The following OSGIN1 variants were observed in gnomAD, a reference collection of about 807,000 sequenced individuals.
The protein encoded by OSGIN1 is oxidative stress-induced growth inhibitor 1.
In OSGIN1, 19 loss-of-function variants were observed where a neutral mutation model predicts 20.1. That is an observed-to-expected ratio of 0.95 (90% CI 0.66 to 1.39). OSGIN1 has a LOEUF of 1.39. Among genes scored for constraint, OSGIN1 ranks in the 40% most tolerant of loss-of-function variants. The pLI is 0.00. For synonymous variants in OSGIN1, 368 were observed against 297.8 expected (o/e 1.24, Z -2.43); for missense variants, 820 against 653.0 (o/e 1.26, Z -2.79).
Position 83,966,100 on chromosome 16 carries a change from G to T in OSGIN1, c.*93G>T, listed in dbSNP as rs2084277499. 1.8e-6 allele frequency: 2 copies of T among 1,089,250 alleles called. No homozygotes were observed. Among genetic ancestry groups the T allele is most frequent in the Non-Finnish European group, 1.3e-6 (1 of 783,182 alleles). The allele number at this position is 1,089,250 out of a possible 1,614,324, so 67.5% of individuals were successfully genotyped here. On this transcript the variant is annotated 3_prime_UTR_variant, in exon 6 of 6. Coordinates refer to ENST00000393306, the MANE Select transcript of OSGIN1 (RefSeq NM_182981.3). ...AGGACCCGTCCAAAGATGCCCCGGG[G>T]AGGGGTGTCAGCCCACGTTGCTGGC...
chr16:83,965,025 A>G (rs750466089), intron 5 of OSGIN1, 37 bp from the exon 6 acceptor site: 26 of 1,230,836 alleles, frequency 2.1e-5, no homozygotes, highest in South Asian at 1.4e-4. Context: ...AACCCCTAAC[A>G]GTGTCTGACT....
intron 1 of OSGIN1, among the ~76,000 whole-genome samples, chr16:83,955,270 T>C (rs2255439): frequency 0.51 from 77,945 of 152,012 alleles, 20,969 homozygotes; most frequent in East Asian, 0.74. Flanking sequence ...CTGGGTATAC[T>C]CAGCACCCAG....
At chr16:83,962,162 A>G (rs1013407785) in intron 5 of OSGIN1, among the ~76,000 whole-genome samples, 1 of 151,858 alleles carries the variant, frequency 6.6e-6, no homozygotes, top group Non-Finnish European at 1.5e-5. Flanking sequence ...CTGCCCCATC[A>G]TGGCCACCCT....
intron 1 of OSGIN1, among the ~76,000 whole-genome samples, chr16:83,953,604 C>T (rs1908792579): frequency 6.6e-6 from 1 of 152,238 alleles, no homozygotes; most frequent in Non-Finnish European, 1.5e-5. Context: ...TACCCTCAGC[C>T]AAGCAGCTGA....
intron 5 of OSGIN1, among the ~76,000 whole-genome samples, chr16:83,963,400 G>A (rs1003095931): frequency 4.0e-5 from 6 of 151,478 alleles, no homozygotes; most frequent in African/African-American, 9.8e-5. Context: ...AATCTTCACC[G>A]AATGCTTATT....
At position 83,957,754 on chromosome 16, in the gene OSGIN1, C is replaced by T. The variant is rs1027590946; in HGVS notation, c.67+16C>T. On this transcript the variant is annotated intron_variant, in intron 2 of 5. Coordinates refer to ENST00000393306, the MANE Select transcript of OSGIN1 (RefSeq NM_182981.3). ...ATCATTGTGGGTGAGTGTCAGGCCC[C>T]AGCCAGGGAGGGGCTCCGCTGAGCC... is the stretch of plus-strand genomic sequence containing the variant. 3.5e-5 allele frequency: 53 copies of T among 1,515,490 alleles called. 1 individual carries two copies. In the Admixed American group the frequency reaches 9.2e-4, roughly 26 times the overall value. The allele number at this position is 1,515,490 out of a possible 1,614,324, so 93.9% of individuals were successfully genotyped here.
rs781578457 is a variant in OSGIN1 at position 83,953,259 on chromosome 16, C to T, written c.-144C>T. ...CCTCTCAGAGCCTCTTGGATCCCCA[C>T]AGGGTAATGGGTGTCCCGATCTCGC... On this transcript the variant is annotated 5_prime_UTR_variant, in exon 1 of 6. Coordinates refer to ENST00000393306, the MANE Select transcript of OSGIN1 (RefSeq NM_182981.3). The T allele has an allele frequency of 7.8e-6, 10 of 1,287,188 alleles. No homozygotes were observed. The highest frequency in any genetic ancestry group is 1.0e-5 in the Non-Finnish European group (10 of 987,612). 79.7% of individuals were successfully genotyped at this position (1,287,188 alleles called of 1,614,324 possible). A position where few individuals can be genotyped will look rare whatever the true frequency, so the allele number is the denominator to read the frequency against.
At chr16:83,958,481 C>T (rs1026567039) in intron 2 of OSGIN1, among the ~76,000 whole-genome samples, 16 of 152,180 alleles carry the variant, frequency 1.1e-4, no homozygotes, top group Non-Finnish European at 1.2e-4. Context: ...GATGACCCCC[C>T]AGTATGCAGG....
intron 5 of OSGIN1, among the ~76,000 whole-genome samples, chr16:83,963,457 G>A (rs927599320): frequency 3.3e-5 from 5 of 152,036 alleles, no homozygotes; most frequent in African/African-American, 1.2e-4. Flanking sequence ...AACCACCGCA[G>A]ACACACCCCC....
chr16:83,964,135 C>G (rs1360158314), intron 5 of OSGIN1, among the ~76,000 whole-genome samples: 1 of 152,096 alleles, frequency 6.6e-6, no homozygotes, highest in Non-Finnish European at 1.5e-5. Flanking sequence ...AAAACCCCAT[C>G]TCTAATAAAA....
At chr16:83,964,919 G>A in intron 5 of OSGIN1, 143 bp from the exon 6 acceptor site, 1 of 640,944 alleles carries the variant, frequency 1.6e-6, no homozygotes, top group Non-Finnish European at 2.7e-6. Context: ...GAGGCTTAGA[G>A]AGGTTGAATT....
chr16:83,954,630 G>A, intron 1 of OSGIN1: 1 of 324,756 alleles, frequency 3.1e-6, no homozygotes, highest in African/African-American at 2.2e-5. Context: ...CTCTGAACGG[G>A]AAGTGACTTC....
chr16:83,954,058 G>A (rs1341756304), intron 1 of OSGIN1: 1 of 152,390 alleles, frequency 6.6e-6, no homozygotes, highest in African/African-American at 2.4e-5. Flanking sequence ...TTTTACTGGA[G>A]GGGACTTGGC....
In OSGIN1 at chr16:83,960,515, G is replaced by A. The variant is rs550384048; in HGVS notation, c.205-54G>A. ...CGTTCCTGCCCAGCCTCAGGCTCTG[G>A]GAAGACGACCCCGCCCTCCTCCAGC... On this transcript the variant is annotated intron_variant, in intron 3 of 5. Transcript: ENST00000393306. 4 of 1,469,300 alleles carry A rather than the reference G, an allele frequency of 2.7e-6. No homozygotes were observed. In the Admixed American group the frequency reaches 5.3e-5, roughly 19 times the overall value. The allele number at this position is 1,469,300 out of a possible 1,614,324, so 91.0% of individuals were successfully genotyped here.
At chr16:83,954,109 C>G (rs78547767) in intron 1 of OSGIN1, 2 of 152,318 alleles carry the variant, frequency 1.3e-5, no homozygotes, top group East Asian at 1.9e-4. Context: ...TTGGACCCTC[C>G]TAGGTGACCT....
chr16:83,964,998 G>GGGCCCCCCC, intron 5 of OSGIN1, 64 bp from the exon 6 acceptor site: 1 of 498,788 alleles, frequency 2.0e-6, no homozygotes. Flanking sequence ...GACATCTCCC[G>GGGCCCCCCC]TCCCACCCAG....
chr16:83,964,999 T>TGCCCCCCCCCCCC, intron 5 of OSGIN1, 63 bp from the exon 6 acceptor site: 1 of 645,890 alleles, frequency 1.5e-6, no homozygotes, highest in African/African-American at 1.8e-5. Context: ...ACATCTCCCG[T>TGCCCCCCCCCCCC]CCCACCCAGC....
At position 83,966,200 on chromosome 16, in the gene OSGIN1, G is replaced by C. The variant is rs534233458; in HGVS notation, c.*193G>C. ...AGTGTCTGAGGTGGTAACAGCGGCCGCAGGCCAGGGTTGGCCTAGACCTGG... is the reference window on the plus strand; with the variant it reads ...AGTGTCTGAGGTGGTAACAGCGGCCCCAGGCCAGGGTTGGCCTAGACCTGG... On this transcript the variant is annotated 3_prime_UTR_variant, in exon 6 of 6. Transcript: ENST00000393306. 1.5e-5 allele frequency: 9 copies of C among 586,194 alleles called. No individual in the cohort carries two copies. The highest frequency in any genetic ancestry group is 1.5e-4 in the African/African-American group (8 of 53,896). 36.3% of individuals were successfully genotyped at this position (586,194 alleles called of 1,614,324 possible). A position where few individuals can be genotyped will look rare whatever the true frequency, so the allele number is the denominator to read the frequency against.
rs1362688994 is a variant in OSGIN1, at chr16:83,965,116, C to G, written c.543C>G (p.Asp181Glu). The G allele has an allele frequency of 1.2e-6, 2 of 1,613,204 alleles. No homozygotes were observed. Among genetic ancestry groups the G allele is most frequent in the Non-Finnish European group, 1.7e-6 (2 of 1,179,858 alleles). Residue 181 changes from aspartate (D) to glutamate (E), a missense_variant, in exon 6 of 6, where the codon GAC (aspartate) becomes GAG (glutamate). Coordinates refer to ENST00000393306, the MANE Select transcript of OSGIN1 (RefSeq NM_182981.3). The part of the protein sequence containing the change: ...TAGDIAHYYR[D>E]YVVKKGLGHN... Reference sequence around the variant, plus strand: ...GGGACATCGCCCACTACTACAGGGACTACGTGGTCAAGAAGGGTCTGGGGC... The same window carrying G: ...GGGACATCGCCCACTACTACAGGGAGTACGTGGTCAAGAAGGGTCTGGGGC...
Sources: allele counts gnomAD v4.1 joint callset (sites outside exome capture counted in the v4.1 genomes callset), GRCh38; gene constraint gnomAD v4.1.1; transcripts MANE v1.5; gene names NCBI Gene and HGNC (gene_info 2026-07-23, HGNC 2026-07-21).